Variants in GREB1L observed in about 807,000 individuals in gnomAD.
GREB1L encodes GREB1-like protein.
In GREB1L, 17 loss-of-function variants were observed where a neutral mutation model predicts 200.8. The ratio of observed to expected loss-of-function variants is 0.08; its 90% CI spans 0.06 to 0.13. GREB1L has a LOEUF of 0.13. Among genes scored for constraint, GREB1L ranks in the 10% least tolerant of loss-of-function variants. The pLI is 1.00. For missense variants in GREB1L, 1,657 were observed against 2,367.7 expected (o/e 0.70, Z 6.23); for synonymous variants, 789 against 893.0 (o/e 0.88, Z 2.08).
chr18:21,381,497 A>G (rs572583428), intron 2 of GREB1L, among the ~76,000 whole-genome samples: 41 of 152,234 alleles, frequency 2.7e-4, no homozygotes, highest in African/African-American at 8.4e-4. Context: ...ATGAATATGT[A>G]TTACTTTTAG....
intron 2 of GREB1L, among the ~76,000 whole-genome samples, chr18:21,379,778 C>G (rs1468181265): frequency 1.3e-5 from 2 of 152,136 alleles, no homozygotes; most frequent in Non-Finnish European, 2.9e-5. Context: ...AACCTTCCCC[C>G]TGTTTTGATC....
At chr18:21,295,975 G>C (rs1200045058) in intron 1 of GREB1L, among the ~76,000 whole-genome samples, 1 of 152,226 alleles carries the variant, frequency 6.6e-6, no homozygotes, top group Admixed American at 6.5e-5. Flanking sequence ...CACACTGTTA[G>C]TGGGAGTGTA....
chr18:21,368,124 A>G (rs1404673009), intron 2 of GREB1L, among the ~76,000 whole-genome samples: 2 of 152,278 alleles, frequency 1.3e-5, no homozygotes, highest in African/African-American at 2.4e-5. Context: ...TTGTTAATTT[A>G]TAAATTTACA....
chr18:21,414,366 AG>A (rs1370039391), intron 7 of GREB1L, among the ~76,000 whole-genome samples: 1 of 152,236 alleles, frequency 6.6e-6, no homozygotes, highest in African/African-American at 2.4e-5. Context: ...TCGTGGGAGA[AG>A]TAAGACTTCA....
chr18:21,286,520 A>G lies in GREB1L; in HGVS notation c.-120+44127A>G, dbSNP rs538783832. On this transcript the variant is annotated intron_variant, in intron 1 of 32. Coordinates refer to ENST00000424526, the MANE Select transcript of GREB1L (RefSeq NM_001142966.3). ...TGAGACTTTGGGCAAAAAACAAACAAATAAATATGTGGTCAAGTCTGAGGC... is the reference window on the plus strand; with the variant it reads ...TGAGACTTTGGGCAAAAAACAAACAGATAAATATGTGGTCAAGTCTGAGGC... Among the ~76,000 whole-genome samples the G allele has an allele frequency of 2.0e-4, 31 of 152,354 alleles. No individual in the cohort carries two copies. In the South Asian group the frequency reaches 5.8e-3, roughly 29 times the overall value.
intron 1 of GREB1L, among the ~76,000 whole-genome samples, chr18:21,323,973 G>A (rs1475016167): frequency 6.6e-6 from 1 of 152,122 alleles, no homozygotes; most frequent in Non-Finnish European, 1.5e-5. Flanking sequence ...CTAACCTATG[G>A]ATACACAGAG....
intron 1 of GREB1L, among the ~76,000 whole-genome samples, chr18:21,302,743 A>G (rs559871888): frequency 6.6e-6 from 1 of 150,546 alleles, no homozygotes; most frequent in South Asian, 2.1e-4. Flanking sequence ...TTGTTTTGAG[A>G]CGGAGTCTTG....
chr18:21,508,715 G>GTAA, intron 27 of GREB1L, 124 bp downstream of exon 27: 3 of 380,008 alleles, frequency 7.9e-6, no homozygotes, highest in Non-Finnish European at 9.4e-6. Flanking sequence ...CCACTCTTCG[G>GTAA]AAAAAAAAAA....
intron 1 of GREB1L, among the ~76,000 whole-genome samples, chr18:21,310,171 T>C (rs1204411939): frequency 6.6e-6 from 1 of 152,220 alleles, no homozygotes; most frequent in Non-Finnish European, 1.5e-5. Context: ...ATCTAGACCA[T>C]GTATCCTGTC....
At chr18:21,466,059 G>A (rs1352043021) in intron 15 of GREB1L, among the ~76,000 whole-genome samples, 3 of 152,078 alleles carry the variant, frequency 2.0e-5, no homozygotes, top group Non-Finnish European at 4.4e-5. Flanking sequence ...GTATTCTCCT[G>A]TGATTTATAT....
chr18:21,333,515 A>C (rs550385993), intron 1 of GREB1L, among the ~76,000 whole-genome samples: 1 of 152,050 alleles, frequency 6.6e-6, no homozygotes, highest in East Asian at 1.9e-4. Flanking sequence ...TCTCTACTAA[A>C]AATACAAAAA....
At chr18:21,325,103 T>G (rs560228792) in intron 1 of GREB1L, among the ~76,000 whole-genome samples, 5 of 152,322 alleles carry the variant, frequency 3.3e-5, no homozygotes, top group African/African-American at 1.2e-4. Context: ...TTATGTCAAG[T>G]TTAGACACAA....
chr18:21,324,875 A>G (rs929123804), intron 1 of GREB1L, among the ~76,000 whole-genome samples: 1 of 152,242 alleles, frequency 6.6e-6, no homozygotes, highest in Non-Finnish European at 1.5e-5. Context: ...TGTAGAAGGA[A>G]ACCATATTTG....
Position 21,499,709 on chromosome 18 carries a change from T to C in GREB1L, c.3392-20T>C. 1 of 1,521,654 alleles carries C rather than the reference T, an allele frequency of 6.6e-7. No homozygotes were observed. Among genetic ancestry groups the C allele is most frequent in the South Asian group, 1.2e-5 (1 of 83,076 alleles). 94.3% of individuals were successfully genotyped at this position (1,521,654 alleles called of 1,614,324 possible). A position where few individuals can be genotyped will look rare whatever the true frequency, so the allele number is the denominator to read the frequency against. On this transcript the variant is annotated intron_variant, in intron 21 of 32. Coordinates refer to ENST00000424526, the MANE Select transcript of GREB1L (RefSeq NM_001142966.3). ...AGTAACAGAGCTGCTGTGGGGTGGG[T>C]TCTGTCTGTTCTCTCACAGGTTCCA...
At chr18:21,506,995 C>T (rs1437886325) in intron 25 of GREB1L, among the ~76,000 whole-genome samples, 1 of 152,176 alleles carries the variant, frequency 6.6e-6, no homozygotes, top group Non-Finnish European at 1.5e-5. Flanking sequence ...TGTTTCTGCT[C>T]TTCAGGGCCA....
intron 1 of GREB1L, among the ~76,000 whole-genome samples, chr18:21,243,068 G>A (rs913573725): frequency 3.3e-5 from 5 of 152,076 alleles, no homozygotes; most frequent in African/African-American, 1.2e-4. Context: ...CATGGCTGAG[G>A]ACCACTCTTA....
chr18:21,322,919 A>AT (rs918763254), intron 1 of GREB1L, among the ~76,000 whole-genome samples: 11 of 151,006 alleles, frequency 7.3e-5, no homozygotes, highest in South Asian at 6.3e-4. Flanking sequence ...TAAACATGGG[A>AT]TTTTTTTTTT....
intron 4 of GREB1L, among the ~76,000 whole-genome samples, chr18:21,387,901 G>A (rs1281051622): frequency 1.3e-5 from 2 of 152,056 alleles, no homozygotes; most frequent in African/African-American, 4.8e-5. Context: ...ATTAAATATT[G>A]CTGTTTGCAT....
chr18:21,404,063 A>G (rs17719278), intron 7 of GREB1L, 69 bp downstream of exon 7: 81,805 of 1,329,924 alleles, frequency 0.062, 2,965 homozygotes, highest in Non-Finnish European at 0.072. Flanking sequence ...TAAAATATAT[A>G]CTTACTGCTG....
Sources: gnomAD v4.1 joint callset for allele counts (sites outside exome capture counted in the v4.1 genomes callset) on GRCh38, gnomAD v4.1.1 for gene constraint, MANE v1.5 for transcripts, NCBI Gene and HGNC (gene_info 2026-07-23, HGNC 2026-07-21) for gene names.